The following NOL10 variants were observed in gnomAD, a reference collection of about 807,000 sequenced individuals.
The protein encoded by NOL10 is H_NH0074G24.1.
In NOL10, 58 loss-of-function variants were observed where a neutral mutation model predicts 103.5. The observed-to-expected ratio is 0.56, with a 90% CI of 0.45 to 0.70. The LOEUF (loss-of-function observed/expected upper bound fraction) is 0.70, where lower values mean the gene tolerates loss of function less well. NOL10 is among the 30% of genes least tolerant of loss of function. NOL10 has a pLI of 0.00. For synonymous variants in NOL10, 287 were observed against 282.5 expected, an observed-to-expected ratio of 1.02 and a Z score of -0.16; for missense variants, 763 against 807.3, an observed-to-expected ratio of 0.95 and a Z score of 0.67.
intron 13 of NOL10, among the ~76,000 whole-genome samples, chr2:10,637,240 C>G (rs962006046): frequency 1.4e-5 from 2 of 140,152 alleles, no homozygotes; most frequent in African/African-American, 5.1e-5. Context: ...AACCAAAAAC[C>G]CTTACAGAAA....
intron 13 of NOL10, among the ~76,000 whole-genome samples, chr2:10,632,620 G>A (rs1325462059): frequency 6.6e-6 from 1 of 152,048 alleles, no homozygotes; most frequent in Non-Finnish European, 1.5e-5. Flanking sequence ...TTATACCTTT[G>A]GAAAAGGCCC....
At chr2:10,618,179 G>C (rs1353430310) in intron 13 of NOL10, among the ~76,000 whole-genome samples, 1 of 151,672 alleles carries the variant, frequency 6.6e-6, no homozygotes, top group Non-Finnish European at 1.5e-5. Context: ...GCCTGGCTTA[G>C]GACTATACAC....
intron 13 of NOL10, among the ~76,000 whole-genome samples, chr2:10,636,420 CAAAAAAA>C (rs70953327): frequency 2.4e-4 from 13 of 54,698 alleles, no homozygotes; most frequent in Admixed American, 9.0e-4. Flanking sequence ...TACAAAAAAC[CAAAAAAA>C]AAAAAAAAAA....
chr2:10,665,636 G>A (rs1192004390), intron 8 of NOL10, among the ~76,000 whole-genome samples: 2 of 152,170 alleles, frequency 1.3e-5, no homozygotes, highest in Non-Finnish European at 2.9e-5. Flanking sequence ...AGAGCAGCAC[G>A]TTCTAATACA....
chr2:10,684,897 T>C (rs923992375), intron 1 of NOL10, among the ~76,000 whole-genome samples: 2 of 152,228 alleles, frequency 1.3e-5, no homozygotes, highest in African/African-American at 4.8e-5. Context: ...TGATGCGATG[T>C]GACTGTAGCT....
intron 3 of NOL10, among the ~76,000 whole-genome samples, chr2:10,677,877 A>G (rs903619338): frequency 7.6e-6 from 1 of 131,078 alleles, no homozygotes; most frequent in African/African-American, 2.9e-5. Context: ...GTGTGTATAC[A>G]CATATATATG....
At position 10,667,229 on chromosome 2, in the gene NOL10, C is replaced by T; in HGVS notation, c.580G>A (p.Gly194Arg). 6.3e-7 allele frequency: 1 copy of T among 1,584,318 alleles called. No individual in the cohort carries two copies. The highest frequency in any genetic ancestry group is 1.8e-5 in the Admixed American group (1 of 56,238). Residue 194 changes from glycine to arginine, a missense_variant, in exon 8 of 21, where the codon GGA (glycine) becomes AGA (arginine). Gly to Arg is a moderately radical substitution (Grantham distance 125). Coordinates refer to ENST00000381685, the MANE Select transcript of NOL10 (RefSeq NM_024894.4). ...CAACATATGCTTACCTCTATGGTTCCTGTGGCAAACAAGCCATGCACTGAA... is the reference window on the plus strand; with the variant it reads ...CAACATATGCTTACCTCTATGGTTCTTGTGGCAAACAAGCCATGCACTGAA... ...INSVHGLFAT[G>R]TIEGRVECWD...
chr2:10,683,245 G>A (rs1681908285), intron 2 of NOL10, among the ~76,000 whole-genome samples: 2 of 152,090 alleles, frequency 1.3e-5, no homozygotes, highest in Non-Finnish European at 2.9e-5. Flanking sequence ...TATGTGACAA[G>A]CTATAATGAA....
chr2:10,649,343 CAG>C (rs1378959142), intron 12 of NOL10, among the ~76,000 whole-genome samples: 3 of 82,782 alleles, frequency 3.6e-5, no homozygotes, highest in African/African-American at 1.8e-4. Flanking sequence ...TTTTTTGAGA[CAG>C]AGTCTTGCTC....
At chr2:10,688,911 T>C (rs1390644269) in intron 1 of NOL10, among the ~76,000 whole-genome samples, 1 of 152,224 alleles carries the variant, frequency 6.6e-6, no homozygotes, top group Admixed American at 6.5e-5. Flanking sequence ...CAAATTTTTG[T>C]AGAAGCAGAC....
intron 19 of NOL10, 114 bp from the exon 20 acceptor site, chr2:10,577,852 G>C: frequency 1.5e-6 from 1 of 661,422 alleles, no homozygotes; most frequent in South Asian, 1.9e-5. Context: ...CATGTAAACA[G>C]AAAATATCAT....
intron 16 of NOL10, among the ~76,000 whole-genome samples, chr2:10,601,285 G>C (rs1349734213): frequency 6.6e-6 from 1 of 152,116 alleles, no homozygotes; most frequent in African/African-American, 2.4e-5. Context: ...GGACAGTCTC[G>C]GTCTCCTGAC....
At chr2:10,610,460 A>C (rs776995678) in intron 13 of NOL10, among the ~76,000 whole-genome samples, 9 of 152,222 alleles carry the variant, frequency 5.9e-5, no homozygotes, top group African/African-American at 1.2e-4. Flanking sequence ...CTAGGAAAAA[A>C]TATTTCCATC....
chr2:10,578,156 T>C (rs1228066680), intron 19 of NOL10, among the ~76,000 whole-genome samples: 2 of 152,206 alleles, frequency 1.3e-5, no homozygotes, highest in Non-Finnish European at 2.9e-5. Flanking sequence ...TGTGAGTAAT[T>C]TGGCCACTCG....
intron 13 of NOL10, among the ~76,000 whole-genome samples, chr2:10,616,431 G>C (rs1163500528): frequency 6.6e-6 from 1 of 152,010 alleles, no homozygotes; most frequent in Non-Finnish European, 1.5e-5. Context: ...TGTTGGCCAG[G>C]CTATTCTCAA....
intron 13 of NOL10, among the ~76,000 whole-genome samples, chr2:10,620,619 A>G (rs1677091171): frequency 6.6e-6 from 1 of 152,226 alleles, no homozygotes; most frequent in African/African-American, 2.4e-5. Context: ...ACTCAGTGGA[A>G]TAAAATGTGG....
At chr2:10,680,347 G>A (rs796394587) in intron 3 of NOL10, among the ~76,000 whole-genome samples, 1 of 107,362 alleles carries the variant, frequency 9.3e-6, no homozygotes, top group African/African-American at 3.6e-5. Flanking sequence ...AAGAGGGAGA[G>A]GGAGAAGAGG....
intron 3 of NOL10, 110 bp from the exon 4 acceptor site, chr2:10,675,981 CA>C (rs1681281083): frequency 7.8e-6 from 4 of 515,168 alleles, no homozygotes; most frequent in Middle Eastern, 3.0e-4. Flanking sequence ...TAATTGTAAC[CA>C]AATCAAAAGA....
At chr2:10,681,582 C>A (rs1681760456) in intron 3 of NOL10, among the ~76,000 whole-genome samples, 1 of 152,290 alleles carries the variant, frequency 6.6e-6, no homozygotes, top group South Asian at 2.1e-4. Context: ...CTGTGCATTT[C>A]ACCAATATAA....
Sources: allele counts gnomAD v4.1 joint callset (sites outside exome capture counted in the v4.1 genomes callset), GRCh38; gene constraint gnomAD v4.1.1; transcripts MANE v1.5; gene names NCBI Gene and HGNC (gene_info 2026-07-23, HGNC 2026-07-21).